Variants in TMEM120B observed in about 807,000 individuals in gnomAD.
TMEM120B encodes the protein transmembrane protein 120B.
In TMEM120B, 31 loss-of-function variants were observed where a neutral mutation model predicts 55.5. The ratio of observed to expected loss-of-function variants is 0.56; its 90% confidence interval spans 0.42 to 0.75. The LOEUF is 0.75. TMEM120B is among the 30% of genes least tolerant of loss of function. TMEM120B has a pLI of 0.00. For missense variants in TMEM120B, 399 were observed against 425.5 expected, an observed-to-expected ratio of 0.94 and a Z score of 0.55; for synonymous variants, 203 against 176.3, an observed-to-expected ratio of 1.15 and a Z score of -1.20.
At chr12:121,747,142 A>T (rs1036184626) in intron 2 of TMEM120B, among the ~76,000 whole-genome samples, 1 of 152,108 alleles carries the variant, frequency 6.6e-6, no homozygotes, top group Non-Finnish European at 1.5e-5. Flanking sequence ...TATGGAAAAT[A>T]AGGCAGAGAG....
intron 8 of TMEM120B, 77 bp from the exon 9 acceptor site, chr12:121,773,344 T>G: frequency 7.3e-7 from 1 of 1,370,444 alleles, no homozygotes; most frequent in Non-Finnish European, 1.0e-6. Flanking sequence ...CATCAGCCTG[T>G]GCTTGGGGCA....
chr12:121,743,458 TG>T (rs1335466835), intron 1 of TMEM120B, among the ~76,000 whole-genome samples, 170 bp from the exon 2 acceptor site: 1 of 151,040 alleles, frequency 6.6e-6, no homozygotes, highest in Non-Finnish European at 1.5e-5. Context: ...CTTGGGAGGC[TG>T]AGGCAGGAGA....
At chr12:121,722,386 T>C (rs1894810831) in intron 1 of TMEM120B, among the ~76,000 whole-genome samples, 1 of 152,182 alleles carries the variant, frequency 6.6e-6, no homozygotes, top group South Asian at 2.1e-4. Flanking sequence ...CGTAAGCCAC[T>C]GTGCCCGGCC....
chr12:121,781,620 A>G lies in TMEM120B; in HGVS notation c.*5898A>G. On this transcript the variant is annotated 3_prime_UTR_variant, in exon 12 of 12. Transcript: ENST00000449592. ...AGAGATGATGCCGATAGCCAGTGTG[A>G]TCCCCCTGCCCTGATGGTCAAGGGC... 1 of 202,288 alleles carries G rather than the reference A, an allele frequency of 4.9e-6. No individual in the cohort carries two copies. Among genetic ancestry groups the G allele is most frequent in the East Asian group, 1.3e-4 (1 of 7,730 alleles). The allele number at this position is 202,288 out of a possible 1,614,324, so 12.5% of individuals were successfully genotyped here.
chr12:121,730,913 G>A (rs1894989990), intron 1 of TMEM120B, among the ~76,000 whole-genome samples: 1 of 151,310 alleles, frequency 6.6e-6, no homozygotes, highest in South Asian at 2.1e-4. Context: ...AGCCGAGATT[G>A]CGCCACTGCA....
chr12:121,773,638 C>T (rs79477346), intron 9 of TMEM120B, 125 bp downstream of exon 9: 6 of 678,348 alleles, frequency 8.8e-6, no homozygotes, highest in East Asian at 3.4e-5. Context: ...TTATCCGAAG[C>T]GCCTTCCAGA....
Position 121,748,353 on chromosome 12 carries a change from G to A in TMEM120B, c.216G>A (p.Glu72=). The A allele has an allele frequency of 6.2e-7, 1 of 1,611,150 alleles. No homozygotes were observed. Among genetic ancestry groups the A allele is most frequent in the Non-Finnish European group, 8.5e-7 (1 of 1,178,666 alleles). The part of the protein sequence containing the change: ...QRCKRHASRE[E]AELVQQMAAN... ...GCAAACGCCATGCCAGTCGGGAGGA[G>A]GCGGAGCTCGTTCAGCAGATGGCAG... Residue 72 remains glutamate (E), a synonymous_variant, in exon 3 of 12, where the codon GAG becomes GAA. Transcript: ENST00000449592.
chr12:121,758,993 G>T (rs1275620898), intron 5 of TMEM120B: 1 of 985,372 alleles, frequency 1.0e-6, no homozygotes, highest in Admixed American at 6.1e-5. Flanking sequence ...TTCAGTTAGT[G>T]TTACAGACAA....
At chr12:121,733,674 A>G (rs983067740) in intron 1 of TMEM120B, among the ~76,000 whole-genome samples, 9 of 151,620 alleles carry the variant, frequency 5.9e-5, no homozygotes, top group African/African-American at 1.9e-4. Context: ...AGTAACTGGG[A>G]TTACAGGTGT....
chr12:121,717,449 A>G (rs1487540556), intron 1 of TMEM120B, among the ~76,000 whole-genome samples: 1 of 152,208 alleles, frequency 6.6e-6, no homozygotes, highest in Admixed American at 6.5e-5. Flanking sequence ...TTTCATTAAT[A>G]ACCCTATGAA....
intron 8 of TMEM120B, among the ~76,000 whole-genome samples, chr12:121,772,366 G>A (rs1874093695): frequency 6.6e-6 from 1 of 151,618 alleles, no homozygotes; most frequent in African/African-American, 2.4e-5. Context: ...CTGACCTCAG[G>A]TGGTCCACCC....
At chr12:121,759,088 C>A in intron 5 of TMEM120B, 2 of 929,686 alleles carry the variant, frequency 2.2e-6, no homozygotes, top group Non-Finnish European at 2.6e-6. Flanking sequence ...CTTAACACTG[C>A]AGACAACCTA....
chr12:121,731,710 C>T lies in TMEM120B; in HGVS notation c.70-11919C>T, dbSNP rs547647907. On this transcript the variant is annotated intron_variant, in intron 1 of 11. Coordinates refer to ENST00000449592, the MANE Select transcript of TMEM120B (RefSeq NM_001080825.2). Reference sequence around the variant, plus strand: ...TCTTAGAACGATCCTGTTTCTTAAGCGACACATGACTGTACCACAGTATGA... The same window carrying T: ...TCTTAGAACGATCCTGTTTCTTAAGTGACACATGACTGTACCACAGTATGA... 8.5e-5 allele frequency among the ~76,000 whole-genome samples: 13 copies of T among 152,114 alleles called. No homozygotes were observed. In the South Asian group the frequency reaches 1.0e-3, roughly 12 times the overall value.
rs1295050779 is a variant in TMEM120B at position 121,781,285 on chromosome 12, C to T, written c.*5563C>T. The T allele has an allele frequency of 8.2e-6, 9 of 1,099,946 alleles. No homozygotes were observed. The highest frequency in any genetic ancestry group is 2.4e-5 in the East Asian group (1 of 40,826). 68.1% of individuals were successfully genotyped at this position (1,099,946 alleles called of 1,614,324 possible). A position where few individuals can be genotyped will look rare whatever the true frequency, so the allele number is the denominator to read the frequency against. On this transcript the variant is annotated 3_prime_UTR_variant, in exon 12 of 12. Coordinates refer to ENST00000449592, the MANE Select transcript of TMEM120B (RefSeq NM_001080825.2). Reference sequence around the variant, plus strand: ...GAAGGGGCCAGGCAAGTGACCCTGCCTTAGGGCCTCAATTTCCTCATCTAT... The same window carrying T: ...GAAGGGGCCAGGCAAGTGACCCTGCTTTAGGGCCTCAATTTCCTCATCTAT...
At position 121,759,855 on chromosome 12, in the gene TMEM120B, G is replaced by A. The variant is rs12823272; in HGVS notation, c.462-1794G>A. Among the ~76,000 whole-genome samples, 10 of 151,996 alleles carry A rather than the reference G, an allele frequency of 6.6e-5. No individual in the cohort carries two copies. In the East Asian group the frequency reaches 1.6e-3, roughly 24 times the overall value. On this transcript the variant is annotated intron_variant, in intron 5 of 11. Transcript: ENST00000449592. ...CTACTAAAAATACAAAAATCAGGCC[G>A]GGTGCGATAACTCACCCCTGTAATC...
intron 1 of TMEM120B, among the ~76,000 whole-genome samples, chr12:121,715,319 C>T (rs891424165): frequency 6.6e-6 from 1 of 152,082 alleles, no homozygotes; most frequent in Non-Finnish European, 1.5e-5. Flanking sequence ...GGCAACAGAG[C>T]AAGACTCCGT....
chr12:121,761,259 G>A (rs1377663076), intron 5 of TMEM120B, among the ~76,000 whole-genome samples: 2 of 152,258 alleles, frequency 1.3e-5, no homozygotes, highest in East Asian at 1.9e-4. Context: ...GATTACAGGC[G>A]GGAGCCACCA....
At position 121,781,545 on chromosome 12, in the gene TMEM120B, C is replaced by T; in HGVS notation, c.*5823C>T. ...AAGAATCCTCAAGATCAAACCCACG[C>T]AGTGCTGAGAGCTTGGCCTGATTCT... On this transcript the variant is annotated 3_prime_UTR_variant, in exon 12 of 12. Transcript: ENST00000449592. 3.7e-6 allele frequency: 1 copy of T among 270,992 alleles called. No homozygotes were observed. Among genetic ancestry groups the T allele is most frequent in the South Asian group, 3.9e-5 (1 of 25,504 alleles). The allele number at this position is 270,992 out of a possible 1,614,324, so 16.8% of individuals were successfully genotyped here.
chr12:121,739,869 C>T (rs903667931), intron 1 of TMEM120B, among the ~76,000 whole-genome samples: 2 of 149,938 alleles, frequency 1.3e-5, no homozygotes, highest in Non-Finnish European at 3.0e-5. Context: ...ATCTCCCCCT[C>T]CCGGGTTGAA....
Sources: allele counts gnomAD v4.1 joint callset (sites outside exome capture counted in the v4.1 genomes callset), GRCh38; gene constraint gnomAD v4.1.1; transcripts MANE v1.5; gene names NCBI Gene and HGNC (gene_info 2026-07-23, HGNC 2026-07-21).